The following RBFOX1 variants were observed in gnomAD, a reference collection of about 807,000 sequenced individuals.
RBFOX1 encodes the protein RNA binding fox-1 homolog 1, also known as RNA binding protein fox-1 homolog 1.
In RBFOX1, 8 loss-of-function variants were observed where a neutral mutation model predicts 57.7. The observed-to-expected ratio is 0.14, with a 90% CI of 0.08 to 0.25. The LOEUF is 0.25. Among genes scored for constraint, RBFOX1 ranks in the 10% least tolerant of loss-of-function variants. The pLI, the probability that RBFOX1 is intolerant of heterozygous loss-of-function variation, is 1.00. For synonymous variants in RBFOX1, 326 were observed against 222.4 expected (o/e 1.47, Z -4.15); for missense variants, 611 against 548.5 (o/e 1.11, Z -1.14).
intron 4 of RBFOX1, among the ~76,000 whole-genome samples, chr16:7,412,098 C>G (rs1020624868): frequency 1.3e-5 from 2 of 151,980 alleles, no homozygotes; most frequent in Non-Finnish European, 2.9e-5. Context: ...ATAGTGGTTC[C>G]TTAGTTGTGA....
At chr16:6,876,380 C>G (rs1226673256) in intron 3 of RBFOX1, among the ~76,000 whole-genome samples, 2 of 151,866 alleles carry the variant, frequency 1.3e-5, no homozygotes, top group African/African-American at 4.8e-5. Flanking sequence ...CCATCCAACC[C>G]CTGAAATGAG....
At chr16:7,186,045 C>G (rs1366893075) in intron 4 of RBFOX1, among the ~76,000 whole-genome samples, 4 of 152,050 alleles carry the variant, frequency 2.6e-5, no homozygotes, top group Non-Finnish European at 2.9e-5. Context: ...TTTGCTAACC[C>G]TGGGAAACAT....
At chr16:6,147,194 T>A (rs2096764831) in intron 1 of RBFOX1, among the ~76,000 whole-genome samples, 1 of 152,220 alleles carries the variant, frequency 6.6e-6, no homozygotes, top group Admixed American at 6.5e-5. Flanking sequence ...CAGAGCCTCC[T>A]TTCATAGATA....
intron 3 of RBFOX1, among the ~76,000 whole-genome samples, chr16:5,664,272 G>C (rs569646395): frequency 1.3e-5 from 2 of 152,128 alleles, no homozygotes; most frequent in African/African-American, 2.4e-5. Flanking sequence ...ATTCCTGGCC[G>C]GGCGCAGTGG....
intron 3 of RBFOX1, among the ~76,000 whole-genome samples, chr16:6,848,207 C>T (rs901243253): frequency 5.9e-5 from 9 of 151,854 alleles, no homozygotes; most frequent in African/African-American, 1.5e-4. Flanking sequence ...CAGCAAGTGG[C>T]GACACCATGG....
At chr16:5,839,040 C>T (rs1047429460) in intron 3 of RBFOX1, among the ~76,000 whole-genome samples, 2 of 152,094 alleles carry the variant, frequency 1.3e-5, no homozygotes, top group African/African-American at 4.8e-5. Flanking sequence ...GAGTAGAGGC[C>T]AGGGATATTG....
At chr16:7,025,531 A>G (rs994254968) in intron 3 of RBFOX1, among the ~76,000 whole-genome samples, 2 of 152,142 alleles carry the variant, frequency 1.3e-5, no homozygotes, top group Non-Finnish European at 2.9e-5. Context: ...CTCTGGTTCA[A>G]ACACCTCTGA....
At chr16:6,118,421 T>G (rs1395067773) in intron 1 of RBFOX1, among the ~76,000 whole-genome samples, 1 of 152,174 alleles carries the variant, frequency 6.6e-6, no homozygotes, top group East Asian at 1.9e-4. Context: ...GATTCAATGT[T>G]TGGTGAGTGC....
chr16:5,711,479 A>T (rs740654), intron 3 of RBFOX1, among the ~76,000 whole-genome samples: 2 of 152,028 alleles, frequency 1.3e-5, no homozygotes, highest in South Asian at 2.1e-4. Flanking sequence ...TGGACAGACA[A>T]TGTCACTGTG....
At chr16:7,075,817 T>A (rs1440660268) in intron 4 of RBFOX1, among the ~76,000 whole-genome samples, 1 of 152,122 alleles carries the variant, frequency 6.6e-6, no homozygotes, top group Non-Finnish European at 1.5e-5. Flanking sequence ...CCTGACCTCG[T>A]GATCTGCCTG....
At chr16:7,704,819 G>C (rs1374006336) in intron 14 of RBFOX1, among the ~76,000 whole-genome samples, 1 of 152,142 alleles carries the variant, frequency 6.6e-6, no homozygotes, top group African/African-American at 2.4e-5. Context: ...GGGAGGCCAA[G>C]GCAGGCAGAT....
At chr16:5,687,484 A>G (rs1401872625) in intron 3 of RBFOX1, among the ~76,000 whole-genome samples, 1 of 152,240 alleles carries the variant, frequency 6.6e-6, no homozygotes, top group African/African-American at 2.4e-5. Flanking sequence ...CAGCAAAGAT[A>G]AAGAGTCATT....
intron 5 of RBFOX1, among the ~76,000 whole-genome samples, chr16:7,546,020 A>G (rs1013273103): frequency 6.8e-6 from 1 of 147,926 alleles, no homozygotes; most frequent in African/African-American, 2.5e-5. Context: ...CTTATAAAAA[A>G]AAAAAAAAAA....
intron 3 of RBFOX1, among the ~76,000 whole-genome samples, chr16:6,838,894 C>G (rs1307002139): frequency 6.6e-6 from 1 of 151,962 alleles, no homozygotes; most frequent in African/African-American, 2.4e-5. Flanking sequence ...AAAAAGGATT[C>G]TTCATTATTA....
At chr16:7,059,283 C>T (rs1374146081) in intron 4 of RBFOX1, among the ~76,000 whole-genome samples, 1 of 152,164 alleles carries the variant, frequency 6.6e-6, no homozygotes, top group East Asian at 1.9e-4. Context: ...GTAAGCCCCC[C>T]TTCTCCCCAC....
chr16:5,374,862 C>T (rs1378723619), intron 1 of RBFOX1, among the ~76,000 whole-genome samples: 1 of 151,814 alleles, frequency 6.6e-6, no homozygotes, highest in African/African-American at 2.4e-5. Flanking sequence ...TTTGTTTTCT[C>T]TCTTATCATG....
chr16:5,972,225 C>T (rs1459783258), intron 4 of RBFOX1, among the ~76,000 whole-genome samples: 1 of 152,176 alleles, frequency 6.6e-6, no homozygotes, highest in Non-Finnish European at 1.5e-5. Context: ...ACCCTCCCTC[C>T]CTCCCTATCT....
chr16:7,073,429 G>T (rs114102908), intron 4 of RBFOX1, among the ~76,000 whole-genome samples: 3 of 152,050 alleles, frequency 2.0e-5, no homozygotes, highest in African/African-American at 4.8e-5. Context: ...TTAGCCGAGC[G>T]CTGCCAGAAC....
chr16:7,491,452 A>G (rs1031930251), intron 4 of RBFOX1, among the ~76,000 whole-genome samples: 1 of 139,186 alleles, frequency 7.2e-6, no homozygotes, highest in African/African-American at 2.5e-5. Flanking sequence ...GACTAGACAC[A>G]CCAAACATCA....
Sources: allele counts gnomAD v4.1 joint callset (sites outside exome capture counted in the v4.1 genomes callset), GRCh38; gene constraint gnomAD v4.1.1; transcripts MANE v1.5; gene names NCBI Gene and HGNC (gene_info 2026-07-23, HGNC 2026-07-21).